Variants in PRKN observed in about 807,000 individuals in gnomAD.
The protein encoded by PRKN is E3 ubiquitin-protein ligase parkin.
A neutral mutation model predicts 59.5 loss-of-function variants in PRKN; 56 were observed. The ratio of observed to expected loss-of-function variants is 0.94; its 90% CI spans 0.76 to 1.18. The LOEUF is 1.18. Among genes scored for constraint, PRKN ranks in the 50% most tolerant of loss-of-function variants. PRKN has a pLI of 0.00. For missense variants in PRKN, 657 were observed against 596.4 expected (o/e 1.10, Z -1.06); for synonymous variants, 250 against 222.1 (o/e 1.13, Z -1.12).
intron 7 of PRKN, among the ~76,000 whole-genome samples, chr6:161,650,237 T>G (rs1318288578): frequency 6.6e-6 from 1 of 152,210 alleles, no homozygotes; most frequent in East Asian, 1.9e-4. Context: ...GTATAGTTTT[T>G]TACTAACTTT....
chr6:161,393,518 G>A lies in PRKN; in HGVS notation c.1084-6641C>T, dbSNP rs1181068936. On this transcript the variant is annotated intron_variant, in intron 9 of 11. Transcript: ENST00000366898. The surrounding 1 kb of genome is among the most constrained non-coding windows in gnomAD (Gnocchi z 4.7). ...CATCATGCCTCTCATTCAATATCATGTCAGTGCAGTAGTCATTTGATTGAT... is the reference window on the plus strand; with the variant it reads ...CATCATGCCTCTCATTCAATATCATATCAGTGCAGTAGTCATTTGATTGAT... Among the ~76,000 whole-genome samples the A allele has an allele frequency of 6.6e-6, 1 of 152,082 alleles. No individual in the cohort carries two copies. Among genetic ancestry groups the A allele is most frequent in the African/African-American group, 2.4e-5 (1 of 41,354 alleles).
At chr6:161,770,420 C>T in intron 7 of PRKN, among the ~76,000 whole-genome samples, 1 of 147,606 alleles carries the variant, frequency 6.8e-6, no homozygotes, top group African/African-American at 2.4e-5. Context: ...AACCCCAGTT[C>T]CTCAGGATGT....
chr6:162,470,491 T>G (rs1791675310), intron 1 of PRKN, among the ~76,000 whole-genome samples: 2 of 151,974 alleles, frequency 1.3e-5, no homozygotes, highest in Non-Finnish European at 2.9e-5. Context: ...CTTGGGAAGC[T>G]GAGGCAGGAG....
At chr6:162,491,034 C>T (rs1419014909) in intron 1 of PRKN, among the ~76,000 whole-genome samples, 3 of 150,666 alleles carry the variant, frequency 2.0e-5, no homozygotes, top group South Asian at 2.1e-4. Context: ...ACCCAGGAGG[C>T]GGGGGTTGTG....
At chr6:161,759,748 A>T (rs1562662005) in intron 7 of PRKN, among the ~76,000 whole-genome samples, 1 of 152,110 alleles carries the variant, frequency 6.6e-6, no homozygotes, top group Non-Finnish European at 1.5e-5. Context: ...TATTTCTGTC[A>T]CAGGTTGTAC....
At chr6:162,667,207 C>T (rs1779134686) in intron 1 of PRKN, among the ~76,000 whole-genome samples, 1 of 152,020 alleles carries the variant, frequency 6.6e-6, no homozygotes, top group African/African-American at 2.4e-5. Context: ...CTGTGCGTGA[C>T]AAATTTACCT....
chr6:161,940,459 T>C (rs771643318), intron 6 of PRKN, among the ~76,000 whole-genome samples: 6 of 152,248 alleles, frequency 3.9e-5, no homozygotes, highest in Non-Finnish European at 7.4e-5. Flanking sequence ...CAACTTCTCT[T>C]GAAGTTGAAA....
intron 2 of PRKN, among the ~76,000 whole-genome samples, chr6:162,371,550 T>A (rs1250462190): frequency 6.6e-6 from 1 of 152,160 alleles, no homozygotes; most frequent in African/African-American, 2.4e-5. Context: ...TTTATAAACA[T>A]GAGAATAACA....
At chr6:161,856,285 G>T (rs1410108203) in intron 6 of PRKN, among the ~76,000 whole-genome samples, 1 of 151,996 alleles carries the variant, frequency 6.6e-6, no homozygotes, top group South Asian at 2.1e-4. Context: ...ATTTGAACCC[G>T]GGAGGCGGAG....
At chr6:161,968,187 AT>A (rs530441181) in intron 6 of PRKN, among the ~76,000 whole-genome samples, 1,772 of 127,888 alleles carry the variant, frequency 0.014, 41 homozygotes, top group African/African-American at 0.046. Flanking sequence ...TGCCTGGCTA[AT>A]TTTTTTTTTT....
intron 1 of PRKN, among the ~76,000 whole-genome samples, chr6:162,691,342 C>T (rs928907715): frequency 2.6e-5 from 4 of 152,000 alleles, no homozygotes; most frequent in African/African-American, 9.7e-5. Context: ...GTTAAAAATA[C>T]ATTACACCAT....
chr6:162,684,024 CTAGAG>C (rs1396200124), intron 1 of PRKN, among the ~76,000 whole-genome samples: 1 of 152,088 alleles, frequency 6.6e-6, no homozygotes. Flanking sequence ...GGCTTATCTA[CTAGAG>C]TATTTTGTGC....
At chr6:161,485,415 T>C (rs1485970960) in intron 9 of PRKN, among the ~76,000 whole-genome samples, 1 of 152,212 alleles carries the variant, frequency 6.6e-6, no homozygotes, top group African/African-American at 2.4e-5. Context: ...TGTTCTATAA[T>C]GGACAATGTG....
intron 9 of PRKN, among the ~76,000 whole-genome samples, chr6:161,436,228 G>A (rs1238544145): frequency 1.8e-5 from 2 of 108,238 alleles, no homozygotes; most frequent in Non-Finnish European, 3.9e-5. Flanking sequence ...GGTGGGATGG[G>A]AGGGCAGAGA....
intron 6 of PRKN, among the ~76,000 whole-genome samples, chr6:161,885,795 A>C (rs1795127227): frequency 6.6e-6 from 1 of 152,206 alleles, no homozygotes; most frequent in African/African-American, 2.4e-5. Context: ...TGAAAATATA[A>C]ACTGAAGTTA....
At chr6:162,607,910 C>T (rs1355623849) in intron 1 of PRKN, among the ~76,000 whole-genome samples, 2 of 152,124 alleles carry the variant, frequency 1.3e-5, no homozygotes, top group African/African-American at 2.4e-5. Flanking sequence ...GGAAGAAAAG[C>T]TGATCAGAGA....
intron 4 of PRKN, among the ~76,000 whole-genome samples, chr6:162,146,982 C>T (rs1443473992): frequency 2.6e-5 from 4 of 151,064 alleles, no homozygotes; most frequent in African/African-American, 4.8e-5. Context: ...CCACCGGCCT[C>T]GGCCTCCCAA....
intron 9 of PRKN, among the ~76,000 whole-genome samples, chr6:161,512,917 C>A (rs1441792796): frequency 6.6e-6 from 1 of 152,190 alleles, no homozygotes; most frequent in Non-Finnish European, 1.5e-5. Context: ...TGATGATATT[C>A]CATAACAATA....
intron 4 of PRKN, among the ~76,000 whole-genome samples, chr6:162,179,160 A>C (rs1783679964): frequency 6.6e-6 from 1 of 152,210 alleles, no homozygotes; most frequent in Non-Finnish European, 1.5e-5. Flanking sequence ...GATTACAGGT[A>C]TCAGCCACTG....
Sources: allele counts gnomAD v4.1 joint callset (sites outside exome capture counted in the v4.1 genomes callset), GRCh38; gene constraint gnomAD v4.1.1; non-coding constraint Gnocchi (gnomAD v3.1); transcripts MANE v1.5; gene names NCBI Gene and HGNC (gene_info 2026-07-23, HGNC 2026-07-21).